COQ3: variants seen among roughly 807,000 people sequenced by gnomAD.
COQ3 encodes ubiquinone biosynthesis O-methyltransferase, mitochondrial.
A neutral mutation model predicts 33.1 loss-of-function variants in COQ3; 29 were observed. The observed-to-expected ratio is 0.88, with a 90% confidence interval of 0.65 to 1.19. The LOEUF is 1.19. Ranked by LOEUF, COQ3 falls within the 50% of genes most tolerant of loss-of-function variation. The pLI is 0.00. For missense variants in COQ3, 437 were observed against 430.7 expected (o/e 1.01, Z -0.13); for synonymous variants, 173 against 157.8 (o/e 1.10, Z -0.72).
intron 3 of COQ3, 117 bp from the exon 4 acceptor site, chr6:99,377,602 T>A: frequency 1.7e-6 from 1 of 576,006 alleles, no homozygotes; most frequent in Non-Finnish European, 2.9e-6. Flanking sequence ...TTATTCATTT[T>A]TTTTATAAAT....
At chr6:99,371,917 T>C (rs1774155246) in intron 5 of COQ3, among the ~76,000 whole-genome samples, 1 of 152,200 alleles carries the variant, frequency 6.6e-6, no homozygotes, top group Non-Finnish European at 1.5e-5. Context: ...TCTTCCTTGT[T>C]ACATGTCCAC....
At chr6:99,388,810 T>C (rs1774732676) in intron 1 of COQ3, among the ~76,000 whole-genome samples, 1 of 151,684 alleles carries the variant, frequency 6.6e-6, no homozygotes, top group South Asian at 2.1e-4. Context: ...ATCGCACCAT[T>C]ACACTCCAGT....
At chr6:99,384,649 T>TA (rs1774565855) in intron 1 of COQ3, among the ~76,000 whole-genome samples, 1 of 152,174 alleles carries the variant, frequency 6.6e-6, no homozygotes, top group Admixed American at 6.5e-5. Flanking sequence ...ATGCTCAACT[T>TA]ACACAGGGGC....
At chr6:99,386,006 G>T (rs10457636) in intron 1 of COQ3, among the ~76,000 whole-genome samples, 1 of 80,524 alleles carries the variant, frequency 1.2e-5, no homozygotes, top group South Asian at 4.6e-4. Flanking sequence ...AAAGAAAAAA[G>T]AAAAGAAAAG....
Position 99,394,072 on chromosome 6 carries a change from A to G in COQ3, c.106+2T>C. On this transcript the variant is annotated splice_donor_variant, in intron 1 of 6. Coordinates refer to ENST00000254759, the MANE Select transcript of COQ3 (RefSeq NM_017421.4). LOFTEE classifies it high-confidence loss of function. ...GCGAAGGACCTCCGCACACACACTC[A>G]CCCGCCGAGGAAATTAAGGGACGCG... 6.2e-7 allele frequency: 1 copy of G among 1,611,812 alleles called. No individual in the cohort carries two copies. The highest frequency in any genetic ancestry group is 8.5e-7 in the Non-Finnish European group (1 of 1,178,388).
At chr6:99,390,213 C>T (rs1466030399) in intron 1 of COQ3, among the ~76,000 whole-genome samples, 6 of 152,146 alleles carry the variant, frequency 3.9e-5, no homozygotes, top group East Asian at 1.9e-4. Context: ...TCAAAGGGTA[C>T]GTGCATTTGT....
intron 1 of COQ3, among the ~76,000 whole-genome samples, chr6:99,387,424 C>G (rs887876337): frequency 6.6e-5 from 10 of 152,094 alleles, no homozygotes; most frequent in Non-Finnish European, 5.9e-5. Context: ...GCACTCCAGC[C>G]TAGGGTACAG....
Position 99,373,835 on chromosome 6 carries a change from G to A in COQ3, c.729+2105C>T, listed in dbSNP as rs1004044690. Among the ~76,000 whole-genome samples, 5 of 151,982 alleles carry A rather than the reference G, an allele frequency of 3.3e-5. No homozygotes were observed. The South Asian group carries it at 1.0e-3, about 32-fold the overall frequency. On this transcript the variant is annotated intron_variant, in intron 5 of 6. Transcript: ENST00000254759. Reference sequence around the variant, plus strand: ...AGGGAGACCCTGTCTCTACAAAAAAGTAAAATATAAAATTAAAAATTAAAA... The same window carrying A: ...AGGGAGACCCTGTCTCTACAAAAAAATAAAATATAAAATTAAAAATTAAAA...
At position 99,376,034 on chromosome 6, in the gene COQ3, G is replaced by C; in HGVS notation, c.635C>G (p.Thr212Ser). Residue 212 changes from threonine (T) to serine (S), a missense_variant, in exon 5 of 7, where the codon ACT (threonine) becomes AGT (serine). Thr to Ser is a moderately conservative substitution (Grantham distance 58, BLOSUM62 1). Transcript: ENST00000254759. Reference sequence around the variant, plus strand: ...TACAACAGCATCAAATGTTTCTGCAGTCTCTTCCACAATCTCTTCCAGGGA... The same window carrying C: ...TACAACAGCATCAAATGTTTCTGCACTCTCTTCCACAATCTCTTCCAGGGA... ...VCSLEEIVEETAETFDAVVAS... is the reference protein window; with the variant it reads ...VCSLEEIVEESAETFDAVVAS... 1 of 1,614,048 alleles carries C rather than the reference G, an allele frequency of 6.2e-7. No homozygotes were observed. Among genetic ancestry groups the C allele is most frequent in the Non-Finnish European group, 8.5e-7 (1 of 1,179,942 alleles).
intron 1 of COQ3, 100 bp downstream of exon 1, chr6:99,393,974 G>T (rs1007719021): frequency 1.1e-6 from 1 of 949,366 alleles, no homozygotes; most frequent in Non-Finnish European, 1.7e-6. Flanking sequence ...GACCCCTCGC[G>T]AGGTCCAGAG....
intron 1 of COQ3, among the ~76,000 whole-genome samples, chr6:99,391,914 A>C (rs1002254648): frequency 4.6e-5 from 7 of 152,096 alleles, no homozygotes; most frequent in African/African-American, 1.7e-4. Flanking sequence ...TGGGAGGACC[A>C]ATTGAGCCAG....
At chr6:99,378,944 C>T (rs1264945759) in intron 3 of COQ3, among the ~76,000 whole-genome samples, 2 of 125,902 alleles carry the variant, frequency 1.6e-5, no homozygotes, top group East Asian at 2.3e-4. Flanking sequence ...TGAACAATTT[C>T]TTTCTTTTTT....
At chr6:99,385,754 A>G (rs1190198931) in intron 1 of COQ3, among the ~76,000 whole-genome samples, 1 of 152,098 alleles carries the variant, frequency 6.6e-6, no homozygotes, top group Non-Finnish European at 1.5e-5. Flanking sequence ...AGGCAGGCAG[A>G]TCACATGAGG....
chr6:99,369,823 G>GAA lies in COQ3; in HGVS notation c.890-5_890-4dup, dbSNP rs368152167. ...CACTGTTTGAACTGACAGACCATCTGAAAAAAAAAAAAATCAGAAAGAGTA... is the reference window on the plus strand; with the variant it reads ...CACTGTTTGAACTGACAGACCATCTGAAAAAAAAAAAAAAATCAGAAAGAGTA... On this transcript the variant is annotated splice_polypyrimidine_tract_variant and splice_region_variant and intron_variant, in intron 6 of 6. Transcript: ENST00000254759. The GAA allele has an allele frequency of 6.2e-4, 720 of 1,164,472 alleles. No homozygotes were observed. Among genetic ancestry groups the GAA allele is most frequent in the South Asian group, 1.4e-3 (87 of 62,098 alleles). 72.1% of individuals were successfully genotyped at this position (1,164,472 alleles called of 1,614,324 possible). A position where few individuals can be genotyped will look rare whatever the true frequency, so the allele number is the denominator to read the frequency against.
chr6:99,392,629 C>T (rs1774862721), intron 1 of COQ3, among the ~76,000 whole-genome samples: 1 of 143,286 alleles, frequency 7.0e-6, no homozygotes, highest in Admixed American at 7.0e-5. Context: ...TCTCCAACTG[C>T]TTTTTTTTTT....
intron 6 of COQ3, among the ~76,000 whole-genome samples, chr6:99,370,476 G>A (rs1032599712): frequency 6.0e-5 from 9 of 150,504 alleles, no homozygotes; most frequent in African/African-American, 2.0e-4. Context: ...AGACTCTCGA[G>A]GAGCTGGGAT....
intron 5 of COQ3, among the ~76,000 whole-genome samples, chr6:99,374,320 G>A (rs1774227356): frequency 6.6e-6 from 1 of 152,104 alleles, no homozygotes; most frequent in Non-Finnish European, 1.5e-5. Context: ...TGCAAGTGCA[G>A]GGTCAGCACC....
chr6:99,375,669 G>A (rs148364751), intron 5 of COQ3, among the ~76,000 whole-genome samples: 4 of 152,220 alleles, frequency 2.6e-5, no homozygotes, highest in Middle Eastern at 3.4e-3. Context: ...ACAGGCATAA[G>A]CCACCATATC....
intron 3 of COQ3, among the ~76,000 whole-genome samples, chr6:99,378,137 TATATATATATATATATATA>T (rs1185777329): frequency 0.22 from 9,072 of 40,940 alleles, 668 homozygotes; most frequent in Non-Finnish European, 0.39. Flanking sequence ...TATATATATA[TATATATATATATATATATA>T]TTTAGAGAGA....
Sources: allele counts gnomAD v4.1 joint callset (sites outside exome capture counted in the v4.1 genomes callset), GRCh38; gene constraint gnomAD v4.1.1; transcripts MANE v1.5; gene names NCBI Gene and HGNC (gene_info 2026-07-23, HGNC 2026-07-21).